The following ACBD6 variants were observed in gnomAD, a reference collection of about 807,000 sequenced individuals.
ACBD6 encodes the protein acyl-CoA binding domain containing 6.
ACBD6 carries 28 observed loss-of-function variants against 37.2 expected under a neutral mutation model. The observed-to-expected ratio is 0.75, with a 90% CI of 0.56 to 1.03. ACBD6 has a LOEUF of 1.03. Among genes scored for constraint, ACBD6 ranks in the 50% least tolerant of loss-of-function variants. The pLI is 0.00. For missense variants in ACBD6, 340 were observed against 337.4 expected, an observed-to-expected ratio of 1.01 and a Z score of -0.06; for synonymous variants, 113 against 126.8, an observed-to-expected ratio of 0.89 and a Z score of 0.73.
intron 4 of ACBD6, among the ~76,000 whole-genome samples, chr1:180,419,718 A>C (rs1648274566): frequency 6.6e-6 from 1 of 152,218 alleles, no homozygotes; most frequent in Non-Finnish European, 1.5e-5. Flanking sequence ...GCTAGAGAAA[A>C]GAAAATGTTA....
chr1:180,419,551 T>C (rs955674240), intron 4 of ACBD6, among the ~76,000 whole-genome samples: 1 of 152,062 alleles, frequency 6.6e-6, no homozygotes, highest in Admixed American at 6.5e-5. Context: ...ACACGGAGGG[T>C]GGGGGGCACC....
chr1:180,279,817 A>T (rs2149272886), intron 9 of ACBD6, among the ~76,000 whole-genome samples: 1 of 152,112 alleles, frequency 6.6e-6, no homozygotes, highest in South Asian at 2.1e-4. Context: ...TGGAAACAGC[A>T]ACAGGGACTT....
chr1:180,327,363 C>T (rs761035602), intron 6 of ACBD6, among the ~76,000 whole-genome samples: 6 of 152,170 alleles, frequency 3.9e-5, no homozygotes, highest in Non-Finnish European at 5.9e-5. Context: ...TGCACAGATT[C>T]TCTCTCCACG....
intron 9 of ACBD6, among the ~76,000 whole-genome samples, chr1:180,279,998 G>A (rs1021924582): frequency 4.6e-5 from 7 of 152,140 alleles, no homozygotes; most frequent in African/African-American, 1.4e-4. Context: ...GCCACACATG[G>A]CTATTTAAAT....
intron 9 of ACBD6, chr1:180,276,556 C>CCAAT (rs1392040020): frequency 1.3e-5 from 2 of 152,170 alleles, no homozygotes; most frequent in African/African-American, 4.8e-5. Flanking sequence ...TGGGAATTCT[C>CCAAT]CAATCATGAA....
chr1:180,399,152 T>C (rs1647239095), intron 5 of ACBD6, among the ~76,000 whole-genome samples: 1 of 152,160 alleles, frequency 6.6e-6, no homozygotes, highest in African/African-American at 2.4e-5. Flanking sequence ...CACAAAATCC[T>C]AAGAGGGGGG....
chr1:180,413,555 CAT>C (rs1478489929), intron 4 of ACBD6, 84 bp from the exon 5 acceptor site: 1 of 1,102,848 alleles, frequency 9.1e-7, no homozygotes, highest in Non-Finnish European at 1.3e-6. Flanking sequence ...TTGCTGCTGA[CAT>C]AGATGTTAAT....
chr1:180,417,853 T>C (rs916411400), intron 4 of ACBD6, among the ~76,000 whole-genome samples: 14 of 152,212 alleles, frequency 9.2e-5, no homozygotes, highest in Non-Finnish European at 1.9e-4. Context: ...ATACTGCTAG[T>C]GAATATTACT....
At chr1:180,431,147 T>C (rs967939342) in intron 3 of ACBD6, among the ~76,000 whole-genome samples, 1 of 151,096 alleles carries the variant, frequency 6.6e-6, no homozygotes, top group Non-Finnish European at 1.5e-5. Flanking sequence ...TTAAGAGAAG[T>C]ACGAGTTTTG....
intron 6 of ACBD6, among the ~76,000 whole-genome samples, chr1:180,369,136 G>A (rs1041137321): frequency 1.2e-4 from 19 of 152,302 alleles, no homozygotes; most frequent in Admixed American, 1.2e-3. Flanking sequence ...AAACTACCAC[G>A]CTGGTAGGCA....
At chr1:180,297,327 C>T (rs540314508) in intron 7 of ACBD6, among the ~76,000 whole-genome samples, 1 of 152,304 alleles carries the variant, frequency 6.6e-6, no homozygotes, top group Non-Finnish European at 1.5e-5. Context: ...AGGCACCAAA[C>T]TCTAATCCAT....
At chr1:180,302,455 C>T (rs1650168600) in intron 7 of ACBD6, among the ~76,000 whole-genome samples, 1 of 151,984 alleles carries the variant, frequency 6.6e-6, no homozygotes, top group Non-Finnish European at 1.5e-5. Context: ...GAATTGATCC[C>T]TTTACCATTA....
intron 1 of ACBD6, among the ~76,000 whole-genome samples, chr1:180,501,546 G>A (rs1027069891): frequency 1.5e-4 from 23 of 152,210 alleles, no homozygotes; most frequent in African/African-American, 5.5e-4. Flanking sequence ...TCCAACTCCC[G>A]ACCTCAGGTG....
intron 3 of ACBD6, among the ~76,000 whole-genome samples, chr1:180,472,287 CA>C (rs1650600430): frequency 6.6e-6 from 1 of 152,000 alleles, no homozygotes; most frequent in African/African-American, 2.4e-5. Flanking sequence ...TGATGTGTGG[CA>C]AAAAATTATA....
chr1:180,276,966 A>C (rs751630990), intron 9 of ACBD6: 1 of 152,192 alleles, frequency 6.6e-6, no homozygotes, highest in Non-Finnish European at 1.5e-5. Context: ...TTATACTAAT[A>C]ATATAATAAA....
intron 5 of ACBD6, among the ~76,000 whole-genome samples, chr1:180,406,116 A>G (rs930442388): frequency 1.3e-5 from 2 of 152,182 alleles, no homozygotes; most frequent in African/African-American, 2.4e-5. Context: ...AAATACAGAC[A>G]ATGTCCAATT....
chr1:180,390,942 T>C (rs188209968), intron 6 of ACBD6, among the ~76,000 whole-genome samples: 18 of 152,238 alleles, frequency 1.2e-4, no homozygotes, highest in African/African-American at 2.9e-4. Context: ...TACAAAGCCA[T>C]AGTAATCAAG....
chr1:180,370,161 A>G (rs938742484), intron 6 of ACBD6, among the ~76,000 whole-genome samples: 1 of 152,218 alleles, frequency 6.6e-6, no homozygotes, highest in Admixed American at 6.5e-5. Flanking sequence ...CAACTGTAAT[A>G]AAGAATGATA....
intron 3 of ACBD6, among the ~76,000 whole-genome samples, chr1:180,487,799 C>T (rs1651331777): frequency 6.6e-6 from 1 of 152,150 alleles, no homozygotes; most frequent in African/African-American, 2.4e-5. Flanking sequence ...TTTCCTGTCA[C>T]ACCTTAAACT....
Sources: gnomAD v4.1 joint callset for allele counts (sites outside exome capture counted in the v4.1 genomes callset) on GRCh38, gnomAD v4.1.1 for gene constraint, MANE v1.5 for transcripts, NCBI Gene and HGNC (gene_info 2026-07-23, HGNC 2026-07-21) for gene names.